NDUFAF7: variants seen among roughly 807,000 people sequenced by gnomAD.
The protein encoded by NDUFAF7 is NADH:ubiquinone oxidoreductase complex assembly factor 7, also known as protein arginine methyltransferase NDUFAF7, mitochondrial.
A neutral mutation model predicts 47.2 loss-of-function variants in NDUFAF7; 48 were observed. The observed-to-expected ratio is 1.02, with a 90% CI of 0.81 to 1.29. The LOEUF (loss-of-function observed/expected upper bound fraction) is 1.29. Ranked by LOEUF, NDUFAF7 falls within the 50% of genes most tolerant of loss-of-function variation. NDUFAF7 has a pLI of 0.00. For synonymous variants in NDUFAF7, 217 were observed against 190.0 expected (o/e 1.14, Z -1.17); for missense variants, 635 against 537.6 (o/e 1.18, Z -1.79).
At chr2:37,241,548 T>A in intron 4 of NDUFAF7, 30 bp from the exon 5 acceptor site, 2 of 1,547,246 alleles carry the variant, frequency 1.3e-6, no homozygotes, top group Non-Finnish European at 1.8e-6. Context: ...CTTAACACAT[T>A]GTATTTTTTT....
At chr2:37,247,392 T>C in intron 8 of NDUFAF7, 64 bp from the exon 9 acceptor site, 2 of 1,553,362 alleles carry the variant, frequency 1.3e-6, no homozygotes, top group Admixed American at 1.7e-5. Flanking sequence ...AACTTTAATA[T>C]GATAGCATTT....
rs571356521 is a variant in NDUFAF7, at chr2:37,241,903, C to T, written c.622+112C>T. On this transcript the variant is annotated intron_variant, in intron 5 of 9. Transcript: ENST00000002125. ...ATAGATTGAGTTACTGCTGCCAAGT[C>T]CCTTATCCATAGAGAGTAGCCTACT... 18 of 937,270 alleles carry T rather than the reference C, an allele frequency of 1.9e-5. No individual in the cohort carries two copies. The African/African-American group carries it at 3.0e-4, about 15-fold the overall frequency. 58.1% of individuals were successfully genotyped at this position (937,270 alleles called of 1,614,324 possible).
chr2:37,236,263 G>C lies in NDUFAF7; in HGVS notation c.297+87G>C, dbSNP rs910737959. The C allele has an allele frequency of 1.3e-5, 15 of 1,193,744 alleles. No individual in the cohort carries two copies. In the African/African-American group the frequency reaches 2.3e-4, roughly 18 times the overall value. 73.9% of individuals were successfully genotyped at this position (1,193,744 alleles called of 1,614,324 possible). ...TATTATTCTGTAGTAGTGTTCTACA[G>C]CTTTTTTTGTGATTCATCAAAAGTT... On this transcript the variant is annotated intron_variant, in intron 3 of 9. Coordinates refer to ENST00000002125, the MANE Select transcript of NDUFAF7 (RefSeq NM_144736.5).
intron 4 of NDUFAF7, among the ~76,000 whole-genome samples, chr2:37,241,045 TAA>T (rs1322409549): frequency 6.6e-6 from 1 of 152,220 alleles, no homozygotes; most frequent in African/African-American, 2.4e-5. Flanking sequence ...AAAAGATTGG[TAA>T]AATATTAGTA....
At chr2:37,263,746 G>C in the NDUFAF7 span, among the ~76,000 whole-genome samples, 1 of 152,170 alleles carries the variant, frequency 6.6e-6, no homozygotes, top group South Asian at 2.1e-4. Context: ...AGCAAAAACA[G>C]TTGTGTTGTC....
At chr2:37,262,902 C>T in the NDUFAF7 span, among the ~76,000 whole-genome samples, 269 of 151,576 alleles carry the variant, frequency 1.8e-3, 2 homozygotes, top group Middle Eastern at 3.4e-3. Flanking sequence ...CCTTCCCCCC[C>T]CCGTATTTGT....
At chr2:37,232,038 CTCAGGCGGCTTGCGCTCGTGAATGG>C in intron 1 of NDUFAF7, 43 bp from the exon 2 acceptor site, 4 of 1,612,986 alleles carry the variant, frequency 2.5e-6, no homozygotes, top group Non-Finnish European at 3.4e-6. Context: ...TTTGAAAACG[CTCAGGCGGCTTGCGCTCGTGAATGG>C]TCAGATTTAT....
At chr2:37,264,256 GT>G in the NDUFAF7 span, among the ~76,000 whole-genome samples, 1 of 152,016 alleles carries the variant, frequency 6.6e-6, no homozygotes, top group Non-Finnish European at 1.5e-5. Context: ...TCATTCCAAA[GT>G]TTTTTTCAAT....
At chr2:37,246,270 C>G in intron 8 of NDUFAF7, 75 bp downstream of exon 8, 2 of 1,491,842 alleles carry the variant, frequency 1.3e-6, no homozygotes, top group East Asian at 4.5e-5. Flanking sequence ...GCTTTGATTT[C>G]TACAGTGCCT....
chr2:37,232,361 G>T, intron 2 of NDUFAF7, 95 bp downstream of exon 2: 4 of 1,512,686 alleles, frequency 2.6e-6, no homozygotes, highest in East Asian at 4.5e-5. Flanking sequence ...AGCCCAGGCA[G>T]TGGGGGTGCC....
At chr2:37,257,208 G>C (rs1462385069), downstream of NDUFAF7, among the ~76,000 whole-genome samples, 1 of 152,118 alleles carries the variant, frequency 6.6e-6, no homozygotes, top group African/African-American at 2.4e-5. Flanking sequence ...GGTGTTATAA[G>C]TGTTCTGATT....
chr2:37,264,776 T>C, the NDUFAF7 span, among the ~76,000 whole-genome samples: 20 of 152,274 alleles, frequency 1.3e-4, no homozygotes, highest in Admixed American at 1.1e-3. Flanking sequence ...GTTGTGTATA[T>C]TGTCTGCAGT....
chr2:37,249,641 G>GAGAC (rs1553361335), downstream of NDUFAF7, among the ~76,000 whole-genome samples: 11 of 59,588 alleles, frequency 1.8e-4, no homozygotes, highest in African/African-American at 1.1e-3. Context: ...GCCTGTGATA[G>GAGAC]AGACACACAC....
downstream of NDUFAF7, chr2:37,256,692 G>A: frequency 1.3e-6 from 2 of 1,551,404 alleles, no homozygotes; most frequent in East Asian, 4.8e-5. Flanking sequence ...CATGGATTTG[G>A]TGGGTACATA....
chr2:37,250,875 A>G (rs1442158622), downstream of NDUFAF7: 1 of 152,650 alleles, frequency 6.6e-6, no homozygotes, highest in African/African-American at 2.4e-5. Flanking sequence ...CTTAAAGACA[A>G]AAAGTTATGC....
At chr2:37,271,010 A>G in the NDUFAF7 span, among the ~76,000 whole-genome samples, 1 of 152,172 alleles carries the variant, frequency 6.6e-6, no homozygotes, top group Non-Finnish European at 1.5e-5. Context: ...TGTCTATTCT[A>G]CCTCTCAACA....
downstream of NDUFAF7, chr2:37,254,147 A>G: frequency 7.6e-7 from 1 of 1,317,644 alleles, no homozygotes; most frequent in South Asian, 1.2e-5. Flanking sequence ...AGGTGGGACA[A>G]ATCAGAGTGA....
chr2:37,240,625 G>T (rs1572549307), intron 4 of NDUFAF7, among the ~76,000 whole-genome samples: 2 of 152,158 alleles, frequency 1.3e-5, no homozygotes, highest in African/African-American at 4.8e-5. Flanking sequence ...AAGGTCATTT[G>T]AATATAAAAT....
downstream of NDUFAF7, chr2:37,250,884 G>A (rs1348889070): frequency 6.6e-6 from 1 of 152,608 alleles, no homozygotes; most frequent in Non-Finnish European, 1.5e-5. Context: ...AAAAAGTTAT[G>A]CAGGTTATAC....
Sources: gnomAD v4.1 joint callset for allele counts (sites outside exome capture counted in the v4.1 genomes callset) on GRCh38, gnomAD v4.1.1 for gene constraint, MANE v1.5 for transcripts, NCBI Gene and HGNC (gene_info 2026-07-23, HGNC 2026-07-21) for gene names.